POLQ: variants seen among roughly 807,000 people sequenced by gnomAD.
POLQ encodes epididymis secretory sperm binding protein.
A neutral mutation model predicts 259.2 loss-of-function variants in POLQ; 233 were observed. That is an observed-to-expected ratio of 0.90 (90% CI 0.81 to 1.00). The LOEUF (loss-of-function observed/expected upper bound fraction) is 1.00. POLQ is among the 50% of genes least tolerant of loss of function. The pLI is 0.00. For missense variants in POLQ, 2,871 were observed against 3,051.6 expected, an observed-to-expected ratio of 0.94 and a Z score of 1.39; for synonymous variants, 1,025 against 1,048.8, an observed-to-expected ratio of 0.98 and a Z score of 0.44.
In POLQ at chr3:121,489,872, GA is replaced by G; in HGVS notation, c.3058del (p.Ser1020HisfsTer9). ...TSDKKVVQTF[S>X]QKTKKAPLNF... ...CAAAGGTGCCTTTTTTGTTTTCTGTGAAAAAGTCTGAACAACTTTCTTATCA... is the reference window on the plus strand; with the variant it reads ...CAAAGGTGCCTTTTTTGTTTTCTGTGAAAAGTCTGAACAACTTTCTTATCA... On this transcript the variant is annotated frameshift_variant, in exon 16 of 30. Transcript: ENST00000264233. LOFTEE classifies it high-confidence loss of function. 1 of 1,605,660 alleles carries G rather than the reference GA, an allele frequency of 6.2e-7. No homozygotes were observed. Among genetic ancestry groups the G allele is most frequent in the Non-Finnish European group, 8.5e-7 (1 of 1,178,104 alleles).
At chr3:121,484,881 A>G (rs368660982) in intron 17 of POLQ, among the ~76,000 whole-genome samples, 160 bp downstream of exon 17, 59 of 152,304 alleles carry the variant, frequency 3.9e-4, no homozygotes, top group African/African-American at 1.3e-3. Context: ...AGCCTGGGCA[A>G]AAGAGTGACA....
chr3:121,538,035 T>C (rs1006378802), intron 4 of POLQ, among the ~76,000 whole-genome samples: 1 of 152,274 alleles, frequency 6.6e-6, no homozygotes, highest in Admixed American at 6.5e-5. Flanking sequence ...CAGGGAAAAC[T>C]GCCTCTCATT....
intron 26 of POLQ, 40 bp downstream of exon 26, chr3:121,449,275 T>C: frequency 9.8e-7 from 1 of 1,017,314 alleles, no homozygotes. Flanking sequence ...TATAATATGG[T>C]AAGATGGTTG....
intron 9 of POLQ, among the ~76,000 whole-genome samples, chr3:121,517,371 GTT>G (rs1553819638): frequency 6.9e-6 from 1 of 145,042 alleles, no homozygotes; most frequent in Admixed American, 6.9e-5. Flanking sequence ...TGGAAGTTTT[GTT>G]TTTTTTTTTT....
rs374480194 is a variant in POLQ at position 121,522,344 on chromosome 3, G to A, written c.1109-195C>T. ...TTTTGAGACGGAGTCTCGCTCTGTCGCCCAGGCCGGACTGCGGACTGCAGT... is the reference window on the plus strand; with the variant it reads ...TTTTGAGACGGAGTCTCGCTCTGTCACCCAGGCCGGACTGCGGACTGCAGT... On this transcript the variant is annotated intron_variant, in intron 7 of 29. Transcript: ENST00000264233. Among the ~76,000 whole-genome samples the A allele has an allele frequency of 7.6e-4, 64 of 84,124 alleles. No individual in the cohort carries two copies. The East Asian group carries it at 0.012, about 15-fold the overall frequency. 55.2% of individuals were successfully genotyped at this position (84,124 alleles called of 152,430 possible).
rs371518241 is a variant in POLQ at position 121,467,615 on chromosome 3, C to T, written c.6871G>A (p.Val2291Met). The change falls in exon 24 of 30, where the codon GTG becomes ATG. Residue 2291 changes from valine (V) to methionine (M), a missense_variant. Around this residue, in one of 3 missense-constraint regions of POLQ, gnomAD observed 2,080 missense variants for 2,126.0 expected, o/e 0.98. Transcript: ENST00000264233. ...ATCTGTGCCTGGCATCTAGGATTCACGCTGAAACCCTTCTTATATTTTCCT... is the reference window on the plus strand; with the variant it reads ...ATCTGTGCCTGGCATCTAGGATTCATGCTGAAACCCTTCTTATATTTTCCT... Reference protein sequence around the residue: ...GRGKYKKGFSVNPRCQAQMEE... With the variant: ...GRGKYKKGFSMNPRCQAQMEE... 1.8e-4 allele frequency: 290 copies of T among 1,613,714 alleles called. 6 individuals are homozygous for T. The South Asian group carries it at 2.8e-3, about 16-fold the overall frequency.
intron 25 of POLQ, among the ~76,000 whole-genome samples, chr3:121,454,064 G>T (rs946284816): frequency 2.0e-5 from 3 of 152,162 alleles, no homozygotes; most frequent in Non-Finnish European, 4.4e-5. Flanking sequence ...AGAAGAGAGT[G>T]GGGGCCAATA....
rs150910780 is a variant in POLQ, at chr3:121,519,404, G to A, written c.1468+467C>T. The stretch of plus-strand genomic sequence containing the variant: ...TATATATGAAAATTATGCCAGGCGC[G>A]GTGGCTCAAGCCTGTAATCCCAGCA... On this transcript the variant is annotated intron_variant, in intron 9 of 29. Coordinates refer to ENST00000264233, the MANE Select transcript of POLQ (RefSeq NM_199420.4). 3.5e-3 allele frequency among the ~76,000 whole-genome samples: 518 copies of A among 146,490 alleles called. 3 individuals are homozygous for A. The highest frequency in any genetic ancestry group is 0.029 in the East Asian group (146 of 5,018).
At chr3:121,473,605 GT>G (rs2047903069) in intron 20 of POLQ, 118 bp from the exon 21 acceptor site, 1 of 898,026 alleles carries the variant, frequency 1.1e-6, no homozygotes, top group Admixed American at 2.5e-5. Flanking sequence ...TTGAAATAAT[GT>G]TTCTGTGGAT....
Position 121,473,423 on chromosome 3 carries a change from GT to G in POLQ, c.6469del (p.Thr2157LeufsTer15). 1 of 1,613,816 alleles carries G rather than the reference GT, an allele frequency of 6.2e-7. No homozygotes were observed. Among genetic ancestry groups the G allele is most frequent in the African/African-American group, 1.3e-5 (1 of 75,028 alleles). ...REMKNQGSKK[T>X]LGSTRRGIDN... Reference sequence around the variant, plus strand: ...AATCCCTCTTCTGGTAGAACCCAGAGTTTTCTTGCTGCCTTGGTTTTTCATC... The same window carrying G: ...AATCCCTCTTCTGGTAGAACCCAGAGTTTCTTGCTGCCTTGGTTTTTCATC... On this transcript the variant is annotated frameshift_variant, in exon 21 of 30. Coordinates refer to ENST00000264233, the MANE Select transcript of POLQ (RefSeq NM_199420.4). LOFTEE classifies it high-confidence loss of function.
chr3:121,537,847 GAT>G (rs2048461314), intron 4 of POLQ, among the ~76,000 whole-genome samples: 1 of 151,932 alleles, frequency 6.6e-6, no homozygotes, highest in Admixed American at 6.6e-5. Flanking sequence ...AGTGATATAA[GAT>G]ATAATACACT....
In POLQ at chr3:121,432,128, T is replaced by G; in HGVS notation, c.*176A>C. 2 of 502,842 alleles carry G rather than the reference T, an allele frequency of 4.0e-6. No individual in the cohort carries two copies. The allele number at this position is 502,842 out of a possible 1,614,324, so 31.1% of individuals were successfully genotyped here. On this transcript the variant is annotated 3_prime_UTR_variant, in exon 30 of 30. Coordinates refer to ENST00000264233, the MANE Select transcript of POLQ (RefSeq NM_199420.4). ...CTACTTCCCCCACGCCCCCAGAAGTTTTTGATGCTATAGACACTGATATAT... is the reference window on the plus strand; with the variant it reads ...CTACTTCCCCCACGCCCCCAGAAGTGTTTGATGCTATAGACACTGATATAT...
At chr3:121,485,585 T>C (rs895434250) in intron 16 of POLQ, among the ~76,000 whole-genome samples, 8 of 152,236 alleles carry the variant, frequency 5.3e-5, no homozygotes, top group African/African-American at 1.9e-4. Flanking sequence ...TAATTTTGTA[T>C]CTAGAGTCAA....
intron 15 of POLQ, among the ~76,000 whole-genome samples, chr3:121,491,182 T>C (rs545017971): frequency 1.1e-3 from 167 of 151,316 alleles, no homozygotes; most frequent in Non-Finnish European, 2.1e-3. Context: ...GTAAAACTCT[T>C]TCTCTACTAA....
At position 121,457,925 on chromosome 3, in the gene POLQ, T is replaced by TA. The variant is rs1446976016; in HGVS notation, c.7152+2124dup. Among the ~76,000 whole-genome samples the TA allele has an allele frequency of 3.3e-5, 5 of 152,200 alleles. No homozygotes were observed. In the East Asian group the frequency reaches 7.7e-4, roughly 23 times the overall value. On this transcript the variant is annotated intron_variant, in intron 25 of 29. Coordinates refer to ENST00000264233, the MANE Select transcript of POLQ (RefSeq NM_199420.4). The stretch of plus-strand genomic sequence containing the variant: ...ACTATAAATCATGCTGCTATAAAGA[T>TA]ACATGCACACGTATGTTTATTGCGG...
chr3:121,467,756 G>A (rs895551099), intron 23 of POLQ, 116 bp from the exon 24 acceptor site: 10 of 1,074,348 alleles, frequency 9.3e-6, no homozygotes, highest in Non-Finnish European at 1.4e-5. Flanking sequence ...AAACCTTACT[G>A]AGGGCTGGGT....
At chr3:121,457,494 G>C (rs2047752119) in intron 25 of POLQ, among the ~76,000 whole-genome samples, 1 of 152,102 alleles carries the variant, frequency 6.6e-6, no homozygotes, top group Non-Finnish European at 1.5e-5. Flanking sequence ...ATCTGACAAA[G>C]GGCTAATATC....
In POLQ at chr3:121,489,571, T is replaced by C. The variant is rs1240048301; in HGVS notation, c.3360A>G (p.Gln1120=). The C allele has an allele frequency of 6.2e-7, 1 of 1,612,860 alleles. No individual in the cohort carries two copies. Among genetic ancestry groups the C allele is most frequent in the African/African-American group, 1.3e-5 (1 of 74,862 alleles). ...TTAGTGTTATGTTCCATGAACAATT[T>C]TGCTTTATTTGTAATGGGAATGATG... ...NKTSFPLQIK[Q]NCSWNITLTN... is the part of the protein sequence containing the mutation. Residue 1120 remains glutamine (Q), a synonymous_variant, in exon 16 of 30, where the codon CAA becomes CAG. Coordinates refer to ENST00000264233, the MANE Select transcript of POLQ (RefSeq NM_199420.4).
At chr3:121,514,648 T>C (rs947226662) in intron 9 of POLQ, among the ~76,000 whole-genome samples, 1 of 151,502 alleles carries the variant, frequency 6.6e-6, no homozygotes, top group Admixed American at 6.6e-5. Context: ...ACATGCTGGG[T>C]AACAGCATGG....
Sources: gnomAD v4.1 joint callset for allele counts (sites outside exome capture counted in the v4.1 genomes callset) on GRCh38, gnomAD v4.1.1 for gene constraint, gnomAD v4.1.1 regional missense constraint, MANE v1.5 for transcripts, NCBI Gene and HGNC (gene_info 2026-07-23, HGNC 2026-07-21) for gene names.